Variants in SVEP1 observed in about 807,000 individuals in gnomAD.
SVEP1 encodes the protein sushi, von Willebrand factor type A, EGF and pentraxin domain containing 1.
A neutral mutation model predicts 367.3 loss-of-function variants in SVEP1; 164 were observed. The observed-to-expected ratio is 0.45, with a 90% CI of 0.39 to 0.51. The LOEUF (loss-of-function observed/expected upper bound fraction) is 0.51, where lower values mean the gene tolerates loss of function less well. Among genes scored for constraint, SVEP1 ranks in the 20% least tolerant of loss-of-function variants. The pLI, the probability that SVEP1 is intolerant of heterozygous loss-of-function variation, is 0.00. For synonymous variants in SVEP1, 1,666 were observed against 1,611.6 expected (o/e 1.03, Z -0.81); for missense variants, 4,117 against 4,425.3 (o/e 0.93, Z 1.98).
At chr9:110,447,579 C>T (rs1052983399) in intron 24 of SVEP1, among the ~76,000 whole-genome samples, 1 of 152,196 alleles carries the variant, frequency 6.6e-6, no homozygotes, top group African/African-American at 2.4e-5. Flanking sequence ...ATGCAACAAA[C>T]CATTTTAAAC....
At chr9:110,375,490 A>AAAAAGG in intron 45 of SVEP1, 27 bp from the exon 46 acceptor site, 1 of 1,338,838 alleles carries the variant, frequency 7.5e-7, no homozygotes, top group Non-Finnish European at 1.0e-6. Flanking sequence ...AAAAAAAAAA[A>AAAAAGG]GGAGGCAGGG....
intron 45 of SVEP1, 176 bp downstream of exon 45, chr9:110,377,095 T>A (rs1827360714): frequency 4.2e-6 from 2 of 470,886 alleles, no homozygotes; most frequent in Admixed American, 7.1e-5. Context: ...TCAAAGTCAT[T>A]AATATTCTAG....
chr9:110,457,393 C>T (rs180803275), intron 20 of SVEP1, 41 bp from the exon 21 acceptor site: 2 of 1,472,526 alleles, frequency 1.4e-6, no homozygotes, highest in Admixed American at 1.8e-5. Context: ...ACAAAGCACT[C>T]TATTTATTTC....
intron 1 of SVEP1, among the ~76,000 whole-genome samples, chr9:110,559,009 TTTGC>T (rs1388061217): frequency 6.6e-5 from 10 of 152,210 alleles, no homozygotes; most frequent in African/African-American, 1.7e-4. Flanking sequence ...TAATTTTTGC[TTTGC>T]TTATCAATAA....
chr9:110,450,306 T>C (rs1349351597), intron 23 of SVEP1, 46 bp from the exon 24 acceptor site: 7 of 1,588,218 alleles, frequency 4.4e-6, no homozygotes, highest in Non-Finnish European at 5.2e-6. Flanking sequence ...ATTAACTCCC[T>C]GGGAACACTG....
intron 5 of SVEP1, among the ~76,000 whole-genome samples, chr9:110,510,509 G>A (rs1289807866): frequency 6.6e-6 from 1 of 152,216 alleles, no homozygotes; most frequent in Non-Finnish European, 1.5e-5. Flanking sequence ...GGAGGAGGAA[G>A]TTGGCAACAG....
rs778579624 is a variant in SVEP1, at chr9:110,369,965, C to T, written c.10652G>A (p.Arg3551Gln). The T allele has an allele frequency of 2.4e-5, 38 of 1,613,200 alleles. No individual in the cohort carries two copies. Among genetic ancestry groups the T allele is most frequent in the East Asian group, 2.2e-4 (10 of 44,864 alleles). ...CGTCCAAGAAGAAAGACAGTGACAT[C>T]GGTTTGGTCTTACACATTTTCCACC... The part of the protein sequence containing the change: ...LNGGKCVRPN[R>Q]CHCLSSWTGH... The change falls in exon 47 of 48, where the codon CGA becomes CAA. Residue 3551 changes from arginine to glutamine, a missense_variant. Arg to Gln is a conservative substitution (Grantham distance 43, BLOSUM62 1). Coordinates refer to ENST00000374469, the MANE Select transcript of SVEP1 (RefSeq NM_153366.4).
At chr9:110,433,709 G>A (rs998494175) in intron 30 of SVEP1, among the ~76,000 whole-genome samples, 4 of 151,850 alleles carry the variant, frequency 2.6e-5, no homozygotes, top group Non-Finnish European at 5.9e-5. Context: ...GGGCTCAAGC[G>A]ATCCGCCCGT....
At chr9:110,462,338 T>C (rs1828870159) in intron 18 of SVEP1, among the ~76,000 whole-genome samples, 1 of 151,968 alleles carries the variant, frequency 6.6e-6, no homozygotes, top group Non-Finnish European at 1.5e-5. Context: ...GCATAGAAAA[T>C]ATAAAATAAA....
chr9:110,489,184 T>C (rs773450563), intron 9 of SVEP1, among the ~76,000 whole-genome samples: 4 of 152,126 alleles, frequency 2.6e-5, no homozygotes, highest in African/African-American at 7.2e-5. Flanking sequence ...GTTGGAAGAA[T>C]CAGTGACAAG....
In SVEP1 at chr9:110,406,987, C is replaced by A; in HGVS notation, c.8613G>T (p.Arg2871=). 6.2e-7 allele frequency: 1 copy of A among 1,613,956 alleles called. No homozygotes were observed. Among genetic ancestry groups the A allele is most frequent in the Non-Finnish European group, 8.5e-7 (1 of 1,179,874 alleles). Residue 2871 remains arginine, a synonymous_variant, in exon 38 of 48, where the codon CGG becomes CGT. Coordinates refer to ENST00000374469, the MANE Select transcript of SVEP1 (RefSeq NM_153366.4). ...TCCAACTTCCATTGGCAAGACAAAC[C>A]CGACTCCTGGCTCCCTCAAGCAAGA... is the stretch of plus-strand genomic sequence containing the variant. The part of the protein sequence containing the change: ...EGFLLEGARS[R]VCLANGSWSG...
Position 110,472,210 on chromosome 9 carries a change from T to C in SVEP1, c.2713A>G (p.Arg905Gly), listed in dbSNP as rs1564152435. Reference sequence around the variant, plus strand: ...TTATAGTCAGATAATGGGGCACTTCTTTTAATCCGTGAGGACTTGGCATTG... The same window carrying C: ...TTATAGTCAGATAATGGGGCACTTCCTTTAATCCGTGAGGACTTGGCATTG... The part of the protein sequence containing the change: ...IGNAKSSRIK[R>G]SAPLSDYKIK... Residue 905 changes from arginine to glycine, a missense_variant, in exon 15 of 48, where the codon AGA becomes GGA. Around this residue, in one of 4 missense-constraint regions of SVEP1, gnomAD observed 2,174 missense variants for 2,494.3 expected, o/e 0.87. Transcript: ENST00000374469. 6.2e-7 allele frequency: 1 copy of C among 1,613,692 alleles called. No homozygotes were observed. Among genetic ancestry groups the C allele is most frequent in the Non-Finnish European group, 8.5e-7 (1 of 1,179,826 alleles).
At chr9:110,401,031 G>GT in intron 39 of SVEP1, 22 bp from the exon 40 acceptor site, 6 of 1,611,732 alleles carry the variant, frequency 3.7e-6, no homozygotes, top group Non-Finnish European at 5.1e-6. Context: ...ATAACAAAAT[G>GT]TAAGTTATGT....
chr9:110,548,438 T>C (rs1161944464), intron 2 of SVEP1, among the ~76,000 whole-genome samples: 1 of 152,184 alleles, frequency 6.6e-6, no homozygotes, highest in Non-Finnish European at 1.5e-5. Flanking sequence ...TCCCTTTATA[T>C]GTATTAACCC....
rs199899670 is a variant in SVEP1, at chr9:110,407,339, A to G, written c.8261T>C (p.Leu2754Ser). The G allele has an allele frequency of 1.8e-3, 2,880 of 1,614,004 alleles. 4 individuals are homozygous for G. Among genetic ancestry groups the G allele is most frequent in the Non-Finnish European group, 2.1e-3 (2,453 of 1,179,878 alleles). The change falls in exon 38 of 48, where the codon TTA (leucine) becomes TCA (serine). Residue 2754 changes from leucine (L) to serine (S), a missense_variant. Leu to Ser is a moderately radical substitution (Grantham distance 145). This residue lies in a region of SVEP1 where 1,765 missense variants were observed against 1,781.1 expected (regional missense o/e 0.99). Coordinates refer to ENST00000374469, the MANE Select transcript of SVEP1 (RefSeq NM_153366.4). ...KPGHILAGSD[L>S]RLCLENRKWS... The stretch of plus-strand genomic sequence containing the variant: ...CTTTCTATTCTCTAGACAAAGCCTT[A>G]AGTCAGAGCCTGCTAGAATGTGTCC...
Position 110,431,907 on chromosome 9 carries a change from T to C in SVEP1, c.5353+8A>G. 1 of 1,613,476 alleles carries C rather than the reference T, an allele frequency of 6.2e-7. No homozygotes were observed. The highest frequency in any genetic ancestry group is 8.5e-7 in the Non-Finnish European group (1 of 1,179,562). On this transcript the variant is annotated splice_region_variant and intron_variant, in intron 32 of 47. Coordinates refer to ENST00000374469, the MANE Select transcript of SVEP1 (RefSeq NM_153366.4). Reference sequence around the variant, plus strand: ...TTAGGAACTTTTAGTTCTACATATATTGGTTACCTGCACAGTTTTTCCCAT... The same window carrying C: ...TTAGGAACTTTTAGTTCTACATATACTGGTTACCTGCACAGTTTTTCCCAT...
chr9:110,382,207 C>T (rs35337024), intron 43 of SVEP1, among the ~76,000 whole-genome samples: 19,392 of 151,952 alleles, frequency 0.13, 1,355 homozygotes, highest in African/African-American at 0.16. Context: ...TTTTTTGTAG[C>T]GGCTGGTAAC....
intron 1 of SVEP1, among the ~76,000 whole-genome samples, chr9:110,570,825 T>G (rs57215356): frequency 1.3e-5 from 2 of 152,012 alleles, no homozygotes; most frequent in South Asian, 4.2e-4. Flanking sequence ...AGAAGCATCA[T>G]CTGCCCTAAG....
chr9:110,531,952 C>A (rs1023671026), intron 3 of SVEP1, among the ~76,000 whole-genome samples: 1 of 152,120 alleles, frequency 6.6e-6, no homozygotes, highest in Non-Finnish European at 1.5e-5. Context: ...TGAACTCAGC[C>A]TTCCAGATGG....
Sources: gnomAD v4.1 joint callset for allele counts (sites outside exome capture counted in the v4.1 genomes callset) on GRCh38, gnomAD v4.1.1 for gene constraint, gnomAD v4.1.1 regional missense constraint, MANE v1.5 for transcripts, NCBI Gene and HGNC (gene_info 2026-07-23, HGNC 2026-07-21) for gene names.